Variants in DENND11 observed in about 807,000 individuals in gnomAD.
The protein encoded by DENND11 is DENN domain-containing protein 11.
Under a neutral mutation model 49.2 loss-of-function variants are expected in DENND11, and 34 were observed. That is an observed-to-expected ratio of 0.69 (90% confidence interval 0.53 to 0.92). The LOEUF is 0.92. Ranked by LOEUF, DENND11 falls within the 40% of genes least tolerant of loss-of-function variation. The pLI is 0.00. For synonymous variants in DENND11, 238 were observed against 230.3 expected (o/e 1.03, Z -0.30); for missense variants, 475 against 581.6 (o/e 0.82, Z 1.88).
chr7:141,693,479 C>T (rs1001611744), intron 1 of DENND11, among the ~76,000 whole-genome samples: 10 of 152,186 alleles, frequency 6.6e-5, no homozygotes, highest in East Asian at 1.9e-4. Flanking sequence ...GACCCAGCAA[C>T]GATGCACCTT....
intron 3 of DENND11, among the ~76,000 whole-genome samples, chr7:141,677,935 T>C (rs1798090404): frequency 1.3e-5 from 2 of 152,134 alleles, no homozygotes; most frequent in South Asian, 4.1e-4. Context: ...AGTTACAAAA[T>C]TTACATACTG....
chr7:141,701,743 A>G (rs1253033600), intron 1 of DENND11, 143 bp downstream of exon 1: 7 of 669,896 alleles, frequency 1.0e-5, no homozygotes, highest in Non-Finnish European at 1.4e-5. Flanking sequence ...CCCTTCCCCA[A>G]GCCCGGGAGC....
intron 3 of DENND11, among the ~76,000 whole-genome samples, chr7:141,680,050 T>G (rs1798125678): frequency 6.6e-6 from 1 of 152,208 alleles, no homozygotes; most frequent in Non-Finnish European, 1.5e-5. Flanking sequence ...GAGCCATCAA[T>G]TTCATTTCTG....
intron 3 of DENND11, among the ~76,000 whole-genome samples, chr7:141,675,182 G>C (rs1181312488): frequency 6.6e-6 from 1 of 152,160 alleles, no homozygotes; most frequent in African/African-American, 2.4e-5. Context: ...CAAACAGCAG[G>C]TGAACGTGAC....
At chr7:141,700,477 G>C (rs112448821) in intron 1 of DENND11, among the ~76,000 whole-genome samples, 2,577 of 117,620 alleles carry the variant, frequency 0.022, 62 homozygotes, top group African/African-American at 0.075. Flanking sequence ...GACACTGTCT[G>C]AAAAAAAAAA....
chr7:141,665,051 G>T lies in DENND11; in HGVS notation c.956C>A (p.Thr319Asn). 6.2e-7 allele frequency: 1 copy of T among 1,613,676 alleles called. No homozygotes were observed. Among genetic ancestry groups the T allele is most frequent in the South Asian group, 1.1e-5 (1 of 91,062 alleles). Reference sequence around the variant, plus strand: ...CTTCTCCTCGAATATCTTCTCTGTGGTGCCTGTGGAACCCGGGGTTAGAGA... The same window carrying T: ...CTTCTCCTCGAATATCTTCTCTGTGTTGCCTGTGGAACCCGGGGTTAGAGA... ...LEVEVSYVAC[T>N]TEKIFEEKRE... The change falls in exon 7 of 9, where the codon ACC becomes AAC. Residue 319 changes from threonine to asparagine, a missense_variant. Physicochemically the swap from Thr to Asn is moderately conservative, Grantham distance 65. Transcript: ENST00000536163.
intron 4 of DENND11, among the ~76,000 whole-genome samples, chr7:141,672,623 T>A (rs1013526939): frequency 1.3e-5 from 2 of 152,192 alleles, no homozygotes; most frequent in African/African-American, 4.8e-5. Context: ...GCTGAAACCA[T>A]CTCATGAGAG....
Position 141,662,753 on chromosome 7 carries a change from C to G in DENND11, c.1271G>C (p.Gly424Ala). The change falls in exon 9 of 9, where the codon GGC becomes GCC. Residue 424 changes from glycine (G) to alanine (A), a missense_variant. By Grantham distance (60) the Gly-to-Ala change is moderately conservative. Coordinates refer to ENST00000536163, the MANE Select transcript of DENND11 (RefSeq NM_001080392.2). The stretch of plus-strand genomic sequence containing the variant: ...GCTCCGGTCTCCTTGGGGGTCTAGG[C>G]CCATGCCCCGGGCATGCTCTGCTGT... ...TLTAEHARGM[G>A]LDPQGDRSFL... is the part of the protein sequence containing the mutation. 1 of 1,611,144 alleles carries G rather than the reference C, an allele frequency of 6.2e-7. No homozygotes were observed. The highest frequency in any genetic ancestry group is 8.5e-7 in the Non-Finnish European group (1 of 1,178,816).
intron 4 of DENND11, among the ~76,000 whole-genome samples, chr7:141,667,610 C>T (rs1342175796): frequency 2.6e-5 from 4 of 152,172 alleles, no homozygotes; most frequent in African/African-American, 9.7e-5. Context: ...AGAAAGAGCT[C>T]ATCACCCATC....
chr7:141,692,877 C>A (rs1327001167), intron 1 of DENND11, among the ~76,000 whole-genome samples: 3 of 152,108 alleles, frequency 2.0e-5, no homozygotes, highest in Middle Eastern at 3.4e-3. Context: ...AATATGTAAA[C>A]CAAAATGTAA....
chr7:141,692,533 A>G (rs540685659), intron 1 of DENND11, among the ~76,000 whole-genome samples: 1 of 152,346 alleles, frequency 6.6e-6, no homozygotes, highest in African/African-American at 2.4e-5. Flanking sequence ...GAGAAAAGAC[A>G]GTCTTTACAA....
rs907831501 is a variant in DENND11, at chr7:141,660,893, T to C, written c.*1763A>G. ...ATTACTGAAATGACAGCAACCCACA[T>C]TGCAGAGGAGAAAAGTCTATTAGCT... On this transcript the variant is annotated 3_prime_UTR_variant, in exon 9 of 9. Transcript: ENST00000536163. 7 of 152,660 alleles carry C rather than the reference T, an allele frequency of 4.6e-5. No homozygotes were observed. Among genetic ancestry groups the C allele is most frequent in the African/African-American group, 1.2e-4 (5 of 41,452 alleles). The allele number at this position is 152,660 out of a possible 1,614,324, so 9.5% of individuals were successfully genotyped here.
chr7:141,699,696 G>A (rs1207109630), intron 1 of DENND11, among the ~76,000 whole-genome samples: 1 of 152,108 alleles, frequency 6.6e-6, no homozygotes, highest in Non-Finnish European at 1.5e-5. Context: ...GAAAGACAAT[G>A]GGACTTACAG....
At chr7:141,680,858 C>T (rs1798137925) in intron 3 of DENND11, among the ~76,000 whole-genome samples, 1 of 152,086 alleles carries the variant, frequency 6.6e-6, no homozygotes, top group Non-Finnish European at 1.5e-5. Flanking sequence ...CACCTACCCA[C>T]AATGAACTAC....
chr7:141,683,661 CAACAA>C (rs946598879), intron 3 of DENND11, among the ~76,000 whole-genome samples: 3 of 151,542 alleles, frequency 2.0e-5, no homozygotes, highest in Non-Finnish European at 4.4e-5. Context: ...AAAACAACAA[CAACAA>C]AACAAAACAA....
At chr7:141,685,012 CAAAAA>C (rs869107786) in intron 3 of DENND11, among the ~76,000 whole-genome samples, 6 of 40,242 alleles carry the variant, frequency 1.5e-4, no homozygotes, top group African/African-American at 5.0e-4. Flanking sequence ...CTGTCTCTAC[CAAAAA>C]AAAAAAAAAA....
chr7:141,665,716 C>T (rs1400674691), intron 5 of DENND11, among the ~76,000 whole-genome samples: 1 of 152,074 alleles, frequency 6.6e-6, no homozygotes, highest in Non-Finnish European at 1.5e-5. Context: ...CACACTTGTA[C>T]TTTCCCCAGG....
At position 141,686,784 on chromosome 7, in the gene DENND11, G is replaced by C. The variant is rs904393579; in HGVS notation, c.269-126C>G. 13 of 658,520 alleles carry C rather than the reference G, an allele frequency of 2.0e-5. No homozygotes were observed. The South Asian group carries it at 2.4e-4, about 12-fold the overall frequency. 40.8% of individuals were successfully genotyped at this position (658,520 alleles called of 1,614,324 possible). ...CTGACTCAGCCTCAGACAGACCAGC[G>C]AGATGCTCAGAGCTCAGCCCCTCCA... is the stretch of plus-strand genomic sequence containing the variant. On this transcript the variant is annotated intron_variant, in intron 1 of 8. Coordinates refer to ENST00000536163, the MANE Select transcript of DENND11 (RefSeq NM_001080392.2).
chr7:141,661,776 T>C lies in DENND11; in HGVS notation c.*880A>G, dbSNP rs1797798908. The C allele has an allele frequency of 2.0e-5, 3 of 152,256 alleles. No individual in the cohort carries two copies. 9.4% of individuals were successfully genotyped at this position (152,256 alleles called of 1,614,324 possible). A position where few individuals can be genotyped will look rare whatever the true frequency, so the allele number is the denominator to read the frequency against. On this transcript the variant is annotated 3_prime_UTR_variant, in exon 9 of 9. Transcript: ENST00000536163. ...TTCTCCATCCTGCTCGAACTTCAAT[T>C]GCTCTATCCTCCGGTAGTCCAAACT...
Sources: allele counts gnomAD v4.1 joint callset (sites outside exome capture counted in the v4.1 genomes callset), GRCh38; gene constraint gnomAD v4.1.1; transcripts MANE v1.5; gene names NCBI Gene and HGNC (gene_info 2026-07-23, HGNC 2026-07-21).